REV3L: variants seen among roughly 807,000 people sequenced by gnomAD.
REV3L encodes the protein REV3 like, DNA directed polymerase zeta catalytic subunit.
A neutral mutation model predicts 299.4 loss-of-function variants in REV3L; 69 were observed. That is an observed-to-expected ratio of 0.23 (90% CI 0.19 to 0.28). The LOEUF is 0.28. Ranked by LOEUF, REV3L falls within the 10% of genes least tolerant of loss-of-function variation. The pLI is 1.00. For missense variants in REV3L, 3,128 were observed against 3,693.8 expected, an observed-to-expected ratio of 0.85 and a Z score of 3.97; for synonymous variants, 1,238 against 1,271.4, an observed-to-expected ratio of 0.97 and a Z score of 0.56.
intron 5 of REV3L, 55 bp from the exon 6 acceptor site, chr6:111,390,235 C>T: frequency 9.2e-7 from 1 of 1,081,222 alleles, no homozygotes; most frequent in Admixed American, 1.8e-5. Flanking sequence ...AACTTTCTAA[C>T]ATTTTTCTTA....
At position 111,427,234 on chromosome 6, in the gene REV3L, T is replaced by C. The variant is rs184434013; in HGVS notation, c.140-10762A>G. ...GCAAGTCTAGTAAATTATTCAACCA[T>C]ATTTTATGGTAGCTGAATACTAAAG... On this transcript the variant is annotated intron_variant, in intron 1 of 31. Transcript: ENST00000368802. Among the ~76,000 whole-genome samples the C allele has an allele frequency of 7.2e-5, 11 of 152,314 alleles. No individual in the cohort carries two copies. The South Asian group carries it at 2.3e-3, about 32-fold the overall frequency.
At chr6:111,465,972 AATGCCATCT>A (rs1583096877) in intron 1 of REV3L, among the ~76,000 whole-genome samples, 2 of 152,184 alleles carry the variant, frequency 1.3e-5, no homozygotes, top group East Asian at 3.8e-4. Context: ...GTGCTACTCA[AATGCCATCT>A]ATGAACTAGC....
At chr6:111,475,493 C>G (rs1016140031) in intron 1 of REV3L, among the ~76,000 whole-genome samples, 3 of 152,152 alleles carry the variant, frequency 2.0e-5, no homozygotes, top group African/African-American at 7.2e-5. Context: ...TAAGGCTGAC[C>G]ATTTTCTCTT....
chr6:111,415,770 T>C (rs1784694101), intron 2 of REV3L, among the ~76,000 whole-genome samples: 1 of 152,158 alleles, frequency 6.6e-6, no homozygotes, highest in African/African-American at 2.4e-5. Context: ...TACTCTAAAA[T>C]TGTCACTAGT....
intron 1 of REV3L, among the ~76,000 whole-genome samples, chr6:111,448,539 G>T (rs1046881624): frequency 3.3e-5 from 5 of 151,960 alleles, no homozygotes; most frequent in Non-Finnish European, 7.4e-5. Context: ...TGCCCAGGCT[G>T]GTCTTGAAAT....
Position 111,387,817 on chromosome 6 carries a change from C to T in REV3L, c.1044G>A (p.Gln348=). The change falls in exon 9 of 32, where the codon CAG becomes CAA. Residue 348 remains glutamine (Q), a synonymous_variant. Transcript: ENST00000368802. ...HSEVLSPEML[Q]CTPANMVEVH... is the part of the protein sequence containing the mutation. ...CTTCTACCATATTGGCTGGTGTACA[C>T]TGAAGCATTTCAGGAGACAGAACCT... 1 of 1,613,948 alleles carries T rather than the reference C, an allele frequency of 6.2e-7. No homozygotes were observed. Among genetic ancestry groups the T allele is most frequent in the Non-Finnish European group, 8.5e-7 (1 of 1,179,936 alleles).
chr6:111,441,995 C>G lies in REV3L; in HGVS notation c.140-25523G>C, dbSNP rs528744132. Among the ~76,000 whole-genome samples the G allele has an allele frequency of 2.0e-4, 31 of 152,324 alleles. No individual in the cohort carries two copies. The East Asian group carries it at 4.6e-3, about 23-fold the overall frequency. On this transcript the variant is annotated intron_variant, in intron 1 of 31. Transcript: ENST00000368802. ...ACAAGTGATTTTCAGCTTTTCCCCC[C>G]ACTTAGGTGAAACAGGAAGAATAAA...
At chr6:111,398,753 T>TA (rs1015773331) in intron 4 of REV3L, among the ~76,000 whole-genome samples, 2 of 151,904 alleles carry the variant, frequency 1.3e-5, no homozygotes, top group Non-Finnish European at 1.5e-5. Flanking sequence ...TAAAATAAAA[T>TA]AAAAAAAATT....
At position 111,392,959 on chromosome 6, in the gene REV3L, A is replaced by G. The variant is rs145891675; in HGVS notation, c.579T>C (p.His193=). 103 of 1,601,538 alleles carry G rather than the reference A, an allele frequency of 6.4e-5. No homozygotes were observed. In the African/African-American group the frequency reaches 1.0e-3, roughly 16 times the overall value. The change falls in exon 5 of 32, where the codon CAT becomes CAC. Residue 193 remains histidine (H), a synonymous_variant. Transcript: ENST00000368802. ...AATGATTCTTGCAGGATCCAGTTGC[A>G]TGCAATGTATTACCTAGGAATAGAA... The part of the protein sequence containing the change: ...RKARRKSNTL[H]ATGSCKNHLS...
intron 1 of REV3L, among the ~76,000 whole-genome samples, chr6:111,454,329 G>C (rs1789919628): frequency 6.6e-6 from 1 of 150,916 alleles, no homozygotes; most frequent in African/African-American, 2.4e-5. Context: ...AGGAACTACA[G>C]AAAACAAAGC....
At chr6:111,401,768 G>C (rs1783105390) in intron 4 of REV3L, among the ~76,000 whole-genome samples, 1 of 152,142 alleles carries the variant, frequency 6.6e-6, no homozygotes, top group Non-Finnish European at 1.5e-5. Flanking sequence ...AAAACTATTA[G>C]TGAATATAAC....
At chr6:111,392,750 G>C in intron 5 of REV3L, 126 bp downstream of exon 5, 2 of 573,012 alleles carry the variant, frequency 3.5e-6, no homozygotes, top group Non-Finnish European at 6.1e-6. Flanking sequence ...GTTTGTTTCT[G>C]TTAAGTGTAT....
At chr6:111,384,117 G>T (rs1781100446) in intron 9 of REV3L, among the ~76,000 whole-genome samples, 1 of 152,080 alleles carries the variant, frequency 6.6e-6, no homozygotes, top group African/African-American at 2.4e-5. Flanking sequence ...ATGAATTAAA[G>T]ACTTAAATCT....
At position 111,375,751 on chromosome 6, in the gene REV3L, C is replaced by T. The variant is rs1335851736; in HGVS notation, c.2604G>A (p.Glu868=). 6.2e-7 allele frequency: 1 copy of T among 1,613,360 alleles called. No homozygotes were observed. The change falls in exon 13 of 32, where the codon GAG becomes GAA. Residue 868 remains glutamate (E), a synonymous_variant. Coordinates refer to ENST00000368802, the MANE Select transcript of REV3L (RefSeq NM_001372078.1). The part of the protein sequence containing the change: ...IQNNPCNSNP[E]KDNALASDLT... Reference sequence around the variant, plus strand: ...AATCACTAGCCAATGCATTATCCTTCTCAGGATTACTATTACAAGGATTAT... The same window carrying T: ...AATCACTAGCCAATGCATTATCCTTTTCAGGATTACTATTACAAGGATTAT...
At chr6:111,316,665 C>CAA (rs1164418253) in intron 26 of REV3L, among the ~76,000 whole-genome samples, 6 of 72,904 alleles carry the variant, frequency 8.2e-5, no homozygotes, top group Middle Eastern at 9.1e-3. Context: ...GACTCCGTCT[C>CAA]AAAAAAAAAA....
At chr6:111,396,991 T>G (rs1782581794) in intron 4 of REV3L, among the ~76,000 whole-genome samples, 1 of 152,168 alleles carries the variant, frequency 6.6e-6, no homozygotes, top group South Asian at 2.1e-4. Flanking sequence ...TCCTTTTTCA[T>G]GTCTAATTTT....
At chr6:111,463,276 T>C (rs1422881511) in intron 1 of REV3L, among the ~76,000 whole-genome samples, 4 of 152,216 alleles carry the variant, frequency 2.6e-5, no homozygotes, top group Non-Finnish European at 4.4e-5. Flanking sequence ...ACAACTGATA[T>C]TCTACCTTAT....
chr6:111,329,504 G>GA (rs1182806050), intron 25 of REV3L, 28 bp downstream of exon 25: 3 of 1,607,916 alleles, frequency 1.9e-6, no homozygotes, highest in East Asian at 2.2e-5. Flanking sequence ...AGTCTCTTTT[G>GA]AAAAAACTAC....
intron 1 of REV3L, chr6:111,430,477 A>G: frequency 6.5e-7 from 1 of 1,545,842 alleles, no homozygotes; most frequent in South Asian, 1.1e-5. Context: ...ACCATTTATT[A>G]TAAAGCTGCA....
Sources: gnomAD v4.1 joint callset for allele counts (sites outside exome capture counted in the v4.1 genomes callset) on GRCh38, gnomAD v4.1.1 for gene constraint, MANE v1.5 for transcripts, NCBI Gene and HGNC (gene_info 2026-07-23, HGNC 2026-07-21) for gene names.